The following NAV2 variants were observed in gnomAD, a reference collection of about 807,000 sequenced individuals.
NAV2 encodes helicase, APC down-regulated 1.
NAV2 carries 54 observed loss-of-function variants against 223.2 expected under a neutral mutation model. The ratio of observed to expected loss-of-function variants is 0.24; its 90% confidence interval spans 0.19 to 0.30. NAV2 has a LOEUF of 0.30. Among genes scored for constraint, NAV2 ranks in the 10% least tolerant of loss-of-function variants. NAV2 has a pLI of 1.00. For missense variants in NAV2, 2,806 were observed against 3,147.5 expected (o/e 0.89, Z 2.60); for synonymous variants, 1,279 against 1,239.3 (o/e 1.03, Z -0.67).
rs1851590925 is a variant in NAV2, at chr11:19,446,578, CCAGGTGATAG to C, written c.75+95556_75+95565del. Among the ~76,000 whole-genome samples, 3 of 152,122 alleles carry C rather than the reference CCAGGTGATAG, an allele frequency of 2.0e-5. No individual in the cohort carries two copies. The South Asian group carries it at 6.2e-4, about 32-fold the overall frequency. ...CTCTTAATGAGCTCCTTCTAGCCTG[CCAGGTGATAG>C]CAGGGGGTTAGCAATTGCTTTAGGG... On this transcript the variant is annotated intron_variant, in intron 1 of 37. Coordinates refer to the NAV2 transcript ENST00000360655.
At chr11:19,766,265 G>A (rs1378788234) in intron 1 of NAV2, among the ~76,000 whole-genome samples, 1 of 152,072 alleles carries the variant, frequency 6.6e-6, no homozygotes, top group Non-Finnish European at 1.5e-5. Flanking sequence ...AAGAGGAATC[G>A]GATGAAGGTG....
At chr11:20,071,705 A>G (rs1040485448) in intron 22 of NAV2, among the ~76,000 whole-genome samples, 1 of 151,890 alleles carries the variant, frequency 6.6e-6, no homozygotes, top group Non-Finnish European at 1.5e-5. Context: ...GCATTTCTTC[A>G]TATGTTTGTT....
intron 1 of NAV2, among the ~76,000 whole-genome samples, chr11:19,777,193 A>AGGCGGGGAGGCC (rs1311552779): frequency 6.9e-6 from 1 of 145,338 alleles, no homozygotes; most frequent in Non-Finnish European, 1.5e-5. Flanking sequence ...GATTTGGCGG[A>AGGCGGGGAGGCC]GGCGGGGAGG....
chr11:19,934,171 G>T lies in NAV2; in HGVS notation c.1927G>T (p.Gly643Trp), dbSNP rs376137371. Residue 643 changes from glycine to tryptophan, a missense_variant, in exon 7 of 38, where the codon GGG (glycine) becomes TGG (tryptophan). Coordinates refer to ENST00000349880, the MANE Select transcript of NAV2 (RefSeq NM_145117.5). ...CAGCCAGACTGTCAGTGGGTCTGTCGGGACCACCCAGACCACAGGAAGCAA... is the reference window on the plus strand; with the variant it reads ...CAGCCAGACTGTCAGTGGGTCTGTCTGGACCACCCAGACCACAGGAAGCAA... ...ISSQTVSGSV[G>W]TTQTTGSNTV... 1.2e-6 allele frequency: 2 copies of T among 1,613,818 alleles called. No individual in the cohort carries two copies. Among genetic ancestry groups the T allele is most frequent in the Admixed American group, 1.7e-5 (1 of 59,964 alleles).
intron 10 of NAV2, among the ~76,000 whole-genome samples, chr11:19,977,486 T>C (rs1591506438): frequency 6.6e-6 from 1 of 152,330 alleles, no homozygotes; most frequent in East Asian, 1.9e-4. Context: ...TATGTAAGAA[T>C]ATGCTGTGAG....
chr11:19,450,990 A>T (rs1851770390), intron 1 of NAV2, among the ~76,000 whole-genome samples: 1 of 152,102 alleles, frequency 6.6e-6, no homozygotes, highest in African/African-American at 2.4e-5. Context: ...GGGAGGATGA[A>T]ACAACTTGGA....
chr11:19,532,480 C>T (rs1470057427), intron 1 of NAV2, among the ~76,000 whole-genome samples: 1 of 152,210 alleles, frequency 6.6e-6, no homozygotes, highest in Non-Finnish European at 1.5e-5. Flanking sequence ...TTTCTAATTC[C>T]TCTTCCAGCT....
At chr11:19,671,084 A>G (rs2048561574) in intron 1 of NAV2, among the ~76,000 whole-genome samples, 2 of 152,184 alleles carry the variant, frequency 1.3e-5, no homozygotes, top group Admixed American at 1.3e-4. Context: ...GCTTGGGCTG[A>G]CAGGCATTTT....
chr11:20,057,340 C>T (rs1470971418), intron 19 of NAV2, among the ~76,000 whole-genome samples: 2 of 152,098 alleles, frequency 1.3e-5, no homozygotes, highest in Non-Finnish European at 2.9e-5. Flanking sequence ...TTCTTGGTAA[C>T]TTAATACTTT....
At chr11:19,955,506 G>A (rs1350245715) in intron 10 of NAV2, among the ~76,000 whole-genome samples, 2 of 152,190 alleles carry the variant, frequency 1.3e-5, no homozygotes, top group Admixed American at 6.5e-5. Flanking sequence ...TGAGGACGTA[G>A]CCACATGTCT....
At chr11:19,635,981 A>G (rs2047487881) in intron 1 of NAV2, among the ~76,000 whole-genome samples, 1 of 152,222 alleles carries the variant, frequency 6.6e-6, no homozygotes. Context: ...ATTGCAGTGA[A>G]GCTAGAATAG....
At chr11:19,644,332 C>T (rs950838131) in intron 1 of NAV2, among the ~76,000 whole-genome samples, 3 of 152,318 alleles carry the variant, frequency 2.0e-5, no homozygotes, top group South Asian at 4.1e-4. Flanking sequence ...AGAAAAATGT[C>T]TCTATTTGGG....
intron 1 of NAV2, among the ~76,000 whole-genome samples, chr11:19,789,365 C>T (rs1237757616): frequency 6.6e-6 from 1 of 152,196 alleles, no homozygotes; most frequent in Non-Finnish European, 1.5e-5. Flanking sequence ...ATCCCAAAAT[C>T]CATCCTTTGA....
At chr11:20,107,046 C>T (rs1219571323) in intron 35 of NAV2, among the ~76,000 whole-genome samples, 1 of 131,812 alleles carries the variant, frequency 7.6e-6, no homozygotes. Context: ...GACTTGCAGT[C>T]ATGGGCTTCC....
intron 6 of NAV2, among the ~76,000 whole-genome samples, chr11:19,895,502 C>A (rs1450632126): frequency 6.6e-6 from 1 of 152,176 alleles, no homozygotes; most frequent in African/African-American, 2.4e-5. Context: ...GGTAACTAAG[C>A]ACTGGAATTG....
rs559441465 is a variant in NAV2, at chr11:19,411,887, A to G, written c.75+60860A>G. On this transcript the variant is annotated intron_variant, in intron 1 of 37. Transcript: ENST00000360655. Reference sequence around the variant, plus strand: ...ACTCAGGTGCATCTATGAAGCAGAAAGGGCATGCATTTGCTATCAAGATTG... The same window carrying G: ...ACTCAGGTGCATCTATGAAGCAGAAGGGGCATGCATTTGCTATCAAGATTG... Among the ~76,000 whole-genome samples, 3 of 152,192 alleles carry G rather than the reference A, an allele frequency of 2.0e-5. No homozygotes were observed. In the South Asian group the frequency reaches 6.2e-4, roughly 32 times the overall value.
Position 19,969,088 on chromosome 11 carries a change from C to T in NAV2, c.2646-15037C>T, listed in dbSNP as rs72916865. The stretch of plus-strand genomic sequence containing the variant: ...CCACACCCTGTCCCTCTTGTGAACA[C>T]ACCTGTGGTACTGTCCTGACCTATA... On this transcript the variant is annotated intron_variant, in intron 10 of 37. Coordinates refer to ENST00000349880, the MANE Select transcript of NAV2 (RefSeq NM_145117.5). Among the ~76,000 whole-genome samples, 1,476 of 152,350 alleles carry T rather than the reference C, an allele frequency of 9.7e-3. 10 individuals are homozygous for T. Among genetic ancestry groups the T allele is most frequent in the Admixed American group, 0.016 (252 of 15,304 alleles).
At chr11:19,698,613 C>A (rs1421675852) in intron 1 of NAV2, among the ~76,000 whole-genome samples, 1 of 152,210 alleles carries the variant, frequency 6.6e-6, no homozygotes, top group Non-Finnish European at 1.5e-5. Context: ...ATAGCCTTTG[C>A]TCTGATTTCC....
At chr11:19,795,907 G>A (rs2057850281) in intron 1 of NAV2, among the ~76,000 whole-genome samples, 1 of 152,152 alleles carries the variant, frequency 6.6e-6, no homozygotes, top group Non-Finnish European at 1.5e-5. Context: ...ACTTTCATTT[G>A]TCAGTTCCAC....
Sources: gnomAD v4.1 joint callset for allele counts (sites outside exome capture counted in the v4.1 genomes callset) on GRCh38, gnomAD v4.1.1 for gene constraint, MANE v1.5 for transcripts, NCBI Gene and HGNC (gene_info 2026-07-23, HGNC 2026-07-21) for gene names.